The following COMMD1 variants were observed in gnomAD, a reference collection of about 807,000 sequenced individuals.
COMMD1 encodes copper metabolism domain containing 1, also known as COMM domain-containing protein 1.
In COMMD1, 10 loss-of-function variants were observed where a neutral mutation model predicts 17.2. The ratio of observed to expected loss-of-function variants is 0.58; its 90% CI spans 0.36 to 0.99. The LOEUF is 0.99. COMMD1 is among the 50% of genes least tolerant of loss of function. The pLI is 0.01. For missense variants in COMMD1, 270 were observed against 231.8 expected (o/e 1.17, Z -1.07); for synonymous variants, 97 against 91.6 (o/e 1.06, Z -0.34).
chr2:61,891,620 C>T (rs559073484), intron 1 of COMMD1, among the ~76,000 whole-genome samples: 70 of 151,584 alleles, frequency 4.6e-4, no homozygotes, highest in South Asian at 8.4e-4. Flanking sequence ...CCCAGCTGTT[C>T]GGGAGGCTGA....
chr2:61,935,722 C>T (rs6545917), intron 1 of COMMD1, among the ~76,000 whole-genome samples: 43,264 of 152,000 alleles, frequency 0.28, 7,954 homozygotes, highest in African/African-American at 0.53. Flanking sequence ...AAATGAAGAC[C>T]ACTCTTGTTT....
At chr2:62,131,512 T>G (rs944989474) in intron 2 of COMMD1, among the ~76,000 whole-genome samples, 1 of 152,108 alleles carries the variant, frequency 6.6e-6, no homozygotes, top group African/African-American at 2.4e-5. Context: ...TTCCTTTCTT[T>G]TCTTTTCTTT....
chr2:61,908,288 G>A (rs1355281113), intron 1 of COMMD1, among the ~76,000 whole-genome samples: 1 of 150,210 alleles, frequency 6.7e-6, no homozygotes, highest in Non-Finnish European at 1.5e-5. Context: ...GTGCAGTGGC[G>A]CCATCTCGGC....
chr2:61,969,242 T>C (rs1276168398), intron 1 of COMMD1: 1 of 155,520 alleles, frequency 6.4e-6, no homozygotes, highest in Non-Finnish European at 1.4e-5. Context: ...GATCATTATG[T>C]AATTTTTATT....
At chr2:61,942,064 G>GA (rs548153835) in intron 1 of COMMD1, among the ~76,000 whole-genome samples, 98 of 152,080 alleles carry the variant, frequency 6.4e-4, no homozygotes, top group Non-Finnish European at 1.1e-3. Flanking sequence ...TCTTAACTAG[G>GA]AAAAAAATTT....
intron 2 of COMMD1, among the ~76,000 whole-genome samples, chr2:62,135,170 G>A (rs181995169): frequency 6.6e-6 from 1 of 152,100 alleles, no homozygotes; most frequent in Non-Finnish European, 1.5e-5. Context: ...TTTGATACAG[G>A]TTAACCTCTT....
chr2:61,954,890 G>A (rs1671155398), intron 1 of COMMD1, among the ~76,000 whole-genome samples: 1 of 152,098 alleles, frequency 6.6e-6, no homozygotes, highest in African/African-American at 2.4e-5. Context: ...GCCCAGGCTG[G>A]TCTCAAACTC....
At chr2:62,065,129 A>G (rs1198546304) in intron 2 of COMMD1, among the ~76,000 whole-genome samples, 1 of 152,118 alleles carries the variant, frequency 6.6e-6, no homozygotes, top group Non-Finnish European at 1.5e-5. Flanking sequence ...GTGAGCCAAG[A>G]TTGTGCCACT....
chr2:61,924,529 T>G (rs1670278261), intron 1 of COMMD1, among the ~76,000 whole-genome samples: 1 of 151,730 alleles, frequency 6.6e-6, no homozygotes, highest in African/African-American at 2.4e-5. Flanking sequence ...CTAGGGCTGT[T>G]GGGGTGAGGG....
At chr2:62,086,653 C>A (rs1414446857) in intron 2 of COMMD1, among the ~76,000 whole-genome samples, 1 of 152,076 alleles carries the variant, frequency 6.6e-6, no homozygotes, top group Admixed American at 6.5e-5. Context: ...AAACAATGGA[C>A]ACACTACCAT....
intron 1 of COMMD1, among the ~76,000 whole-genome samples, chr2:61,937,387 A>G (rs556979047): frequency 1.3e-5 from 2 of 152,300 alleles, no homozygotes; most frequent in African/African-American, 2.4e-5. Context: ...AGTGGCCACC[A>G]GATTTTAATT....
At chr2:61,935,266 A>G (rs13393024) in intron 1 of COMMD1, among the ~76,000 whole-genome samples, 37 of 152,348 alleles carry the variant, frequency 2.4e-4, no homozygotes, top group African/African-American at 8.4e-4. Context: ...GTGAAAAATA[A>G]CTCAGAGACA....
chr2:61,998,476 T>G (rs1668832329), intron 1 of COMMD1, among the ~76,000 whole-genome samples: 1 of 152,102 alleles, frequency 6.6e-6, no homozygotes. Context: ...TCCAGGCTGG[T>G]CTCGAACTCC....
At chr2:62,027,596 A>G (rs556313141) in intron 2 of COMMD1, among the ~76,000 whole-genome samples, 2 of 152,182 alleles carry the variant, frequency 1.3e-5, no homozygotes, top group South Asian at 2.1e-4. Context: ...AAGGACAGCA[A>G]TGCCTGCAAG....
At chr2:61,964,573 G>A (rs1671457651) in intron 1 of COMMD1, among the ~76,000 whole-genome samples, 1 of 152,120 alleles carries the variant, frequency 6.6e-6, no homozygotes, top group Non-Finnish European at 1.5e-5. Context: ...GGTGGCTAAC[G>A]CCTGTAATCC....
intron 2 of COMMD1, among the ~76,000 whole-genome samples, chr2:62,113,190 T>TA (rs532292925): frequency 5.3e-4 from 77 of 145,604 alleles, no homozygotes; most frequent in East Asian, 2.6e-3. Flanking sequence ...ACAAAAAAAT[T>TA]AAAAAAAAAA....
chr2:61,892,713 AG>A (rs1241868693), intron 1 of COMMD1, among the ~76,000 whole-genome samples: 7 of 151,274 alleles, frequency 4.6e-5, no homozygotes, highest in African/African-American at 1.5e-4. Flanking sequence ...AAAAAAGAAA[AG>A]AAAAGAAGAG....
intron 2 of COMMD1, among the ~76,000 whole-genome samples, chr2:62,015,247 A>G (rs1669404634): frequency 6.6e-6 from 1 of 152,172 alleles, no homozygotes; most frequent in Non-Finnish European, 1.5e-5. Flanking sequence ...TGCCTATTCT[A>G]GGTACCTCAT....
intron 2 of COMMD1, among the ~76,000 whole-genome samples, chr2:62,012,399 A>G (rs574594884): frequency 2.0e-5 from 3 of 150,240 alleles, no homozygotes; most frequent in East Asian, 3.9e-4. Context: ...TCTCACCGCA[A>G]TCTCTGCCTC....
Sources: gnomAD v4.1 joint callset for allele counts (sites outside exome capture counted in the v4.1 genomes callset) on GRCh38, gnomAD v4.1.1 for gene constraint, MANE v1.5 for transcripts, NCBI Gene and HGNC (gene_info 2026-07-23, HGNC 2026-07-21) for gene names.